Variants in DGKI observed in about 807,000 individuals in gnomAD.
DGKI encodes the protein DAG kinase iota.
In DGKI, 55 loss-of-function variants were observed where a neutral mutation model predicts 147.5. The observed-to-expected ratio is 0.37, with a 90% CI of 0.30 to 0.47. The LOEUF is 0.47. DGKI is among the 20% of genes least tolerant of loss of function. The pLI, the probability that DGKI is intolerant of heterozygous loss-of-function variation, is 1.00. For synonymous variants in DGKI, 469 were observed against 477.1 expected, an observed-to-expected ratio of 0.98 and a Z score of 0.22; for missense variants, 1,007 against 1,323.8, an observed-to-expected ratio of 0.76 and a Z score of 3.71.
chr7:137,552,632 G>A, intron 19 of DGKI, 64 bp from the exon 20 acceptor site: 1 of 1,549,274 alleles, frequency 6.5e-7, no homozygotes, highest in Non-Finnish European at 8.8e-7. Context: ...CTGGAGGCCA[G>A]GCGCTGTGGC....
At chr7:137,524,107 A>G (rs1029827646) in intron 20 of DGKI, among the ~76,000 whole-genome samples, 7 of 146,330 alleles carry the variant, frequency 4.8e-5, no homozygotes, top group African/African-American at 1.9e-4. Flanking sequence ...ATAAACAATC[A>G]TCAGGCGGGG....
At chr7:137,730,889 A>G (rs1434935252) in intron 1 of DGKI, among the ~76,000 whole-genome samples, 1 of 152,106 alleles carries the variant, frequency 6.6e-6, no homozygotes, top group East Asian at 1.9e-4. Flanking sequence ...AATTTTACCT[A>G]TCTCACACAA....
In DGKI at chr7:137,524,529, A is replaced by C. The variant is rs77299286; in HGVS notation, c.2148-2563T>G. 5.4e-4 allele frequency among the ~76,000 whole-genome samples: 81 copies of C among 150,540 alleles called. 1 individual carries two copies. In the East Asian group the frequency reaches 0.013, roughly 25 times the overall value. On this transcript the variant is annotated intron_variant, in intron 20 of 32. Transcript: ENST00000614521. ...AGGAAAAAATTTACGCAATTAACAGAGTGACCACATGGTGTTCACATTAGA... is the reference window on the plus strand; with the variant it reads ...AGGAAAAAATTTACGCAATTAACAGCGTGACCACATGGTGTTCACATTAGA...
chr7:137,579,726 T>C (rs1433890680), intron 15 of DGKI, among the ~76,000 whole-genome samples: 1 of 152,152 alleles, frequency 6.6e-6, no homozygotes, highest in African/African-American at 2.4e-5. Flanking sequence ...CTGATTTACA[T>C]GCAGGGGAAA....
At chr7:137,399,925 A>G (rs1236671386) in intron 30 of DGKI, among the ~76,000 whole-genome samples, 1 of 147,880 alleles carries the variant, frequency 6.8e-6, no homozygotes, top group Non-Finnish European at 1.5e-5. Flanking sequence ...AAAAAAAAAA[A>G]GAAAGAAAGA....
intron 2 of DGKI, among the ~76,000 whole-genome samples, chr7:137,679,580 A>G (rs1166343419): frequency 6.6e-6 from 1 of 152,162 alleles, no homozygotes; most frequent in Non-Finnish European, 1.5e-5. Context: ...AACAAGACTA[A>G]GTCTCCATGG....
intron 1 of DGKI, among the ~76,000 whole-genome samples, chr7:137,778,814 C>G (rs1251306962): frequency 6.6e-6 from 1 of 152,166 alleles, no homozygotes; most frequent in East Asian, 1.9e-4. Context: ...GAAGGCAAAA[C>G]TGCAGAAAGT....
rs912166253 is a variant in DGKI, at chr7:137,721,931, A to T, written c.402-31929T>A. 3 of 1,100,932 alleles carry T rather than the reference A, an allele frequency of 2.7e-6. No homozygotes were observed. The East Asian group carries it at 7.4e-5, about 27-fold the overall frequency. 68.2% of individuals were successfully genotyped at this position (1,100,932 alleles called of 1,614,324 possible). ...CCTCCATCAAGCCAGCTAATACTCC[A>T]TCCTCAGTCCTCAGCTTAGAAGTAT... On this transcript the variant is annotated intron_variant, in intron 1 of 32. Coordinates refer to ENST00000614521, the MANE Select transcript of DGKI (RefSeq NM_001321708.2).
chr7:137,531,778 G>A (rs1394224602), intron 20 of DGKI, among the ~76,000 whole-genome samples: 2 of 152,164 alleles, frequency 1.3e-5, no homozygotes, highest in Non-Finnish European at 2.9e-5. Flanking sequence ...TGTGGATGAA[G>A]TGTTATGATT....
At chr7:137,719,101 G>C (rs148928506) in intron 1 of DGKI, among the ~76,000 whole-genome samples, 1 of 152,090 alleles carries the variant, frequency 6.6e-6, no homozygotes, top group East Asian at 1.9e-4. Context: ...AGGGTATAAA[G>C]CTGGAGTTCA....
intron 1 of DGKI, among the ~76,000 whole-genome samples, chr7:137,695,342 T>A (rs1424075493): frequency 6.6e-6 from 1 of 152,244 alleles, no homozygotes; most frequent in East Asian, 1.9e-4. Flanking sequence ...GTCTATTTTA[T>A]GCCAAGCACT....
chr7:137,690,332 G>A (rs542138888), intron 1 of DGKI, among the ~76,000 whole-genome samples: 4 of 152,072 alleles, frequency 2.6e-5, no homozygotes, highest in South Asian at 2.1e-4. Flanking sequence ...TAGGGTTTGG[G>A]CAGCCACCAT....
At chr7:137,409,938 C>T (rs192186874) in intron 29 of DGKI, among the ~76,000 whole-genome samples, 3 of 152,182 alleles carry the variant, frequency 2.0e-5, no homozygotes, top group African/African-American at 7.2e-5. Flanking sequence ...AACATATACA[C>T]ATGTATCCCA....
intron 28 of DGKI, among the ~76,000 whole-genome samples, chr7:137,425,008 TC>T (rs1812733566): frequency 6.8e-6 from 1 of 146,828 alleles, no homozygotes; most frequent in Non-Finnish European, 1.5e-5. Context: ...GACTTAAATG[TC>T]CCTGTCTGAC....
intron 19 of DGKI, among the ~76,000 whole-genome samples, chr7:137,559,549 A>C (rs1364114614): frequency 6.6e-6 from 1 of 152,192 alleles, no homozygotes; most frequent in Non-Finnish European, 1.5e-5. Context: ...AAAAAATAGT[A>C]GCAATTATTG....
At chr7:137,503,768 C>A (rs1375431807) in intron 21 of DGKI, among the ~76,000 whole-genome samples, 1 of 152,084 alleles carries the variant, frequency 6.6e-6, no homozygotes, top group Non-Finnish European at 1.5e-5. Flanking sequence ...TGAGAAAGAT[C>A]ATATTATCTA....
chr7:137,448,844 C>T (rs1473485882), intron 27 of DGKI, among the ~76,000 whole-genome samples: 1 of 152,162 alleles, frequency 6.6e-6, no homozygotes, highest in African/African-American at 2.4e-5. Context: ...GAGCAAAAGT[C>T]TGCCCAGAGT....
intron 28 of DGKI, among the ~76,000 whole-genome samples, chr7:137,434,441 C>T (rs748312958): frequency 5.3e-5 from 8 of 151,896 alleles, no homozygotes; most frequent in Non-Finnish European, 1.2e-4. Flanking sequence ...ATTACCTGGG[C>T]GTGGTGGTGC....
intron 1 of DGKI, among the ~76,000 whole-genome samples, chr7:137,764,245 C>T (rs1397137639): frequency 6.6e-6 from 1 of 152,142 alleles, no homozygotes; most frequent in Non-Finnish European, 1.5e-5. Context: ...TTTTAAAAAG[C>T]TTCCTGAGCA....
Sources: allele counts gnomAD v4.1 joint callset (sites outside exome capture counted in the v4.1 genomes callset), GRCh38; gene constraint gnomAD v4.1.1; transcripts MANE v1.5; gene names NCBI Gene and HGNC (gene_info 2026-07-23, HGNC 2026-07-21).